The following MMS22L variants were observed in gnomAD, a reference collection of about 807,000 sequenced individuals.
MMS22L encodes protein MMS22-like.
In MMS22L, 74 loss-of-function variants were observed where a neutral mutation model predicts 159.1. That is an observed-to-expected ratio of 0.47 (90% CI 0.39 to 0.56). MMS22L has a LOEUF of 0.56. MMS22L is among the 20% of genes least tolerant of loss of function. The pLI is 0.00. For missense variants in MMS22L, 1,351 were observed against 1,422.1 expected (o/e 0.95, Z 0.80); for synonymous variants, 517 against 506.9 (o/e 1.02, Z -0.27).
In MMS22L at chr6:97,243,439, TTTTA is replaced by T. The variant is rs552661018; in HGVS notation, c.1182+3185_1182+3188del. Among the ~76,000 whole-genome samples, 8 of 152,280 alleles carry T rather than the reference TTTTA, an allele frequency of 5.3e-5. No individual in the cohort carries two copies. The South Asian group carries it at 1.7e-3, about 32-fold the overall frequency. On this transcript the variant is annotated intron_variant, in intron 11 of 24. Transcript: ENST00000683635. ...TTCATTTCCAGAAGTTGTGATTGTT[TTTTA>T]TTTATGATATATATTTCTCTGGAGA...
chr6:97,254,922 C>T (rs1813631448), intron 9 of MMS22L, among the ~76,000 whole-genome samples, 189 bp from the exon 10 acceptor site: 1 of 152,138 alleles, frequency 6.6e-6, no homozygotes, highest in Non-Finnish European at 1.5e-5. Context: ...TTACAGGTCA[C>T]CACATCTTCC....
At chr6:97,276,866 A>T (rs991145641) in intron 4 of MMS22L, among the ~76,000 whole-genome samples, 1 of 152,150 alleles carries the variant, frequency 6.6e-6, no homozygotes, top group Non-Finnish European at 1.5e-5. Flanking sequence ...TACCAAGCTG[A>T]TGTATGCTTG....
intron 11 of MMS22L, among the ~76,000 whole-genome samples, chr6:97,236,343 A>AAAAAGGG (rs1811407836): frequency 6.9e-6 from 1 of 144,168 alleles, no homozygotes; most frequent in Non-Finnish European, 1.5e-5. Context: ...AAAAAAAAAA[A>AAAAAGGG]GAGAAGTTCT....
intron 14 of MMS22L, among the ~76,000 whole-genome samples, chr6:97,209,814 GTCAT>G (rs1808180475): frequency 6.6e-6 from 1 of 151,780 alleles, no homozygotes; most frequent in African/African-American, 2.4e-5. Context: ...TCTTTCCTAT[GTCAT>G]TCTTTTTTTG....
chr6:97,227,436 A>G (rs1212742883), intron 14 of MMS22L, among the ~76,000 whole-genome samples: 4 of 152,220 alleles, frequency 2.6e-5, no homozygotes, highest in Admixed American at 2.6e-4. Flanking sequence ...AGACAGATAT[A>G]TAGAGACAAA....
chr6:97,187,050 T>C (rs1805315887), intron 14 of MMS22L, among the ~76,000 whole-genome samples: 1 of 88,964 alleles, frequency 1.1e-5, no homozygotes, highest in South Asian at 4.1e-4. Flanking sequence ...AATTTTCTCC[T>C]GAGGGCTTTA....
intron 11 of MMS22L, among the ~76,000 whole-genome samples, chr6:97,238,690 T>G: frequency 6.7e-6 from 1 of 149,886 alleles, no homozygotes; most frequent in Non-Finnish European, 1.5e-5. Context: ...GCTTCTAATC[T>G]CTGCTTTAGT....
chr6:97,239,650 C>T (rs1811840916), intron 11 of MMS22L, among the ~76,000 whole-genome samples: 1 of 152,164 alleles, frequency 6.6e-6, no homozygotes, highest in African/African-American at 2.4e-5. Flanking sequence ...CGGTGGCTCC[C>T]ATCTGTAATC....
At chr6:97,199,041 T>C (rs1806849085) in intron 14 of MMS22L, among the ~76,000 whole-genome samples, 3 of 152,148 alleles carry the variant, frequency 2.0e-5, no homozygotes, top group Admixed American at 2.0e-4. Context: ...AGCTTAGCTC[T>C]CACCATCCCA....
intron 14 of MMS22L, among the ~76,000 whole-genome samples, chr6:97,199,515 C>T (rs1393652065): frequency 6.6e-6 from 1 of 152,062 alleles, no homozygotes. Flanking sequence ...ATTACAATAG[C>T]TAATGCACTG....
At chr6:97,248,324 TGA>T (rs1290976069) in intron 10 of MMS22L, among the ~76,000 whole-genome samples, 1 of 152,226 alleles carries the variant, frequency 6.6e-6, no homozygotes. Flanking sequence ...TGCAACCTCA[TGA>T]GAGACCCTGA....
chr6:97,232,812 C>G (rs1263436939), intron 12 of MMS22L, among the ~76,000 whole-genome samples: 1 of 152,042 alleles, frequency 6.6e-6, no homozygotes, highest in Non-Finnish European at 1.5e-5. Context: ...ACTTGTAAAT[C>G]TTCCATTACC....
Position 97,178,556 on chromosome 6 carries a change from G to C in MMS22L, c.2566C>G (p.Leu856Val), listed in dbSNP as rs1804354278. The change falls in exon 18 of 25, where the codon CTG (leucine) becomes GTG (valine). Residue 856 changes from leucine (L) to valine (V), a missense_variant. Physicochemically the swap from Leu to Val is conservative, Grantham distance 32. Coordinates refer to ENST00000683635, the MANE Select transcript of MMS22L (RefSeq NM_001350599.2). ...GAGAGATTAAATAGTAATCTTGTCA[G>C]TTTGACCAACTGTTTCATGTACTCT... ...EKEYMKQLVK[L>V]TRLLFNLSEV... 3 of 1,551,122 alleles carry C rather than the reference G, an allele frequency of 1.9e-6. No homozygotes were observed. Among genetic ancestry groups the C allele is most frequent in the Non-Finnish European group, 8.8e-7 (1 of 1,135,238 alleles).
At chr6:97,175,889 T>C (rs1804062860) in intron 18 of MMS22L, among the ~76,000 whole-genome samples, 1 of 152,236 alleles carries the variant, frequency 6.6e-6, no homozygotes, top group Admixed American at 6.5e-5. Flanking sequence ...TAGCCAAGTC[T>C]GAATAACCAT....
chr6:97,147,172 T>C (rs1009984697), intron 24 of MMS22L, among the ~76,000 whole-genome samples: 5 of 152,158 alleles, frequency 3.3e-5, no homozygotes, highest in African/African-American at 1.2e-4. Context: ...TCACGGGTAA[T>C]AAAATGCATT....
At chr6:97,174,145 T>C (rs749911648) in intron 18 of MMS22L, among the ~76,000 whole-genome samples, 4 of 150,746 alleles carry the variant, frequency 2.7e-5, no homozygotes, top group Non-Finnish European at 5.9e-5. Context: ...CATAGTTACT[T>C]GGGAGGCTGA....
At chr6:97,198,822 T>C (rs1185965528) in intron 14 of MMS22L, among the ~76,000 whole-genome samples, 1 of 152,126 alleles carries the variant, frequency 6.6e-6, no homozygotes, top group East Asian at 1.9e-4. Context: ...ACTACTTTAT[T>C]TTTCTACCTA....
At chr6:97,181,706 A>C (rs1804727923) in intron 16 of MMS22L, among the ~76,000 whole-genome samples, 198 bp downstream of exon 16, 1 of 151,988 alleles carries the variant, frequency 6.6e-6, no homozygotes, top group Non-Finnish European at 1.5e-5. Flanking sequence ...TTTTTTTTTA[A>C]AGCAGGCCAC....
chr6:97,276,092 A>G (rs1258131283), intron 4 of MMS22L, among the ~76,000 whole-genome samples: 1 of 152,190 alleles, frequency 6.6e-6, no homozygotes, highest in Non-Finnish European at 1.5e-5. Context: ...TCAACTGGAA[A>G]TTAACCCTGG....
Sources: gnomAD v4.1 joint callset for allele counts (sites outside exome capture counted in the v4.1 genomes callset) on GRCh38, gnomAD v4.1.1 for gene constraint, MANE v1.5 for transcripts, NCBI Gene and HGNC (gene_info 2026-07-23, HGNC 2026-07-21) for gene names.